The following MBP variants were observed in gnomAD, a reference collection of about 807,000 sequenced individuals.
MBP encodes myelin basic protein.
Under a neutral mutation model 35.8 loss-of-function variants are expected in MBP, and 16 were observed. That is an observed-to-expected ratio of 0.45 (90% confidence interval 0.30 to 0.68). The LOEUF (loss-of-function observed/expected upper bound fraction) is 0.68. Ranked by LOEUF, MBP falls within the 30% of genes least tolerant of loss-of-function variation. The pLI is 0.08. For missense variants in MBP, 380 were observed against 404.7 expected, an observed-to-expected ratio of 0.94 and a Z score of 0.52; for synonymous variants, 143 against 159.6, an observed-to-expected ratio of 0.90 and a Z score of 0.78.
rs1969441648 is a variant in MBP at position 76,984,807 on chromosome 18, C to A, written c.838G>T (p.Ala280Ser). 6.2e-7 allele frequency: 1 copy of A among 1,613,992 alleles called. No homozygotes were observed. The highest frequency in any genetic ancestry group is 1.3e-5 in the African/African-American group (1 of 74,948). Residue 280 changes from alanine (A) to serine (S), a missense_variant, in exon 8 of 9, where the codon GCC becomes TCC. Physicochemically the swap from Ala to Ser is moderately conservative, Grantham distance 99. Transcript: ENST00000355994. ...SAHKGFKGVD[A>S]QGTLSKIFKL... ...AAAATTTTGGAAAGCGTGCCCTGGGCATCGACTCCCTTGAATCCCTTGTGA... is the reference window on the plus strand; with the variant it reads ...AAAATTTTGGAAAGCGTGCCCTGGGAATCGACTCCCTTGAATCCCTTGTGA...
At position 77,016,153 on chromosome 18, in the gene MBP, G is replaced by GGT. The variant is rs1555714055; in HGVS notation, c.576+678_576+679insAC. The GGT allele has an allele frequency of 3.6e-5, 34 of 940,198 alleles. No individual in the cohort carries two copies. The African/African-American group carries it at 5.7e-4, about 16-fold the overall frequency. The allele number at this position is 940,198 out of a possible 1,614,324, so 58.2% of individuals were successfully genotyped here. A position where few individuals can be genotyped will look rare whatever the true frequency, so the allele number is the denominator to read the frequency against. ...CCTAGACTCTGGACCCCATAGCAGA[G>GGT]TTTTTTTTTTTTGTAATACATTTTT... On this transcript the variant is annotated intron_variant, in intron 4 of 8. Coordinates refer to ENST00000355994, the MANE Select transcript of MBP (RefSeq NM_001025101.2).
chr18:77,012,035 G>A (rs1486805648), intron 4 of MBP, among the ~76,000 whole-genome samples: 2 of 152,230 alleles, frequency 1.3e-5, no homozygotes, highest in Non-Finnish European at 2.9e-5. Flanking sequence ...TGAGAGAAAT[G>A]AATGCTTTAA....
intron 3 of MBP, among the ~76,000 whole-genome samples, chr18:77,065,094 T>A (rs547755724): frequency 2.0e-5 from 3 of 152,214 alleles, no homozygotes; most frequent in Non-Finnish European, 2.9e-5. Flanking sequence ...CAGTCACTCA[T>A]AGGGGAAGCA....
At chr18:77,109,175 A>C (rs564762380) in intron 1 of MBP, 1 of 152,298 alleles carries the variant, frequency 6.6e-6, no homozygotes, top group African/African-American at 2.4e-5. Context: ...ATCGCTACCT[A>C]CTTACTATCA....
intron 3 of MBP, among the ~76,000 whole-genome samples, chr18:77,061,482 G>T (rs572641374): frequency 2.6e-5 from 4 of 152,142 alleles, no homozygotes; most frequent in Non-Finnish European, 5.9e-5. Flanking sequence ...CCCTACTTAC[G>T]TATGGGGAAA....
intron 4 of MBP, among the ~76,000 whole-genome samples, chr18:77,000,053 GA>G (rs1304335529): frequency 2.6e-5 from 4 of 152,166 alleles, no homozygotes; most frequent in African/African-American, 9.7e-5. Flanking sequence ...GCCAGCTAGA[GA>G]TGAGGCCAGG....
intron 3 of MBP, chr18:77,017,563 C>G (rs150451435): frequency 3.6e-6 from 1 of 281,238 alleles, no homozygotes; most frequent in Non-Finnish European, 6.6e-6. Flanking sequence ...GCCACATCAG[C>G]GTTTCTTCCC....
At chr18:77,128,478 T>C (rs1367200128) in intron 1 of MBP, among the ~76,000 whole-genome samples, 1 of 151,868 alleles carries the variant, frequency 6.6e-6, no homozygotes, top group Non-Finnish European at 1.5e-5. Context: ...CACATGGTTC[T>C]ACATGGGTGA....
chr18:77,059,601 T>C (rs1164218094), intron 3 of MBP, among the ~76,000 whole-genome samples: 1 of 152,054 alleles, frequency 6.6e-6, no homozygotes, highest in Non-Finnish European at 1.5e-5. Context: ...TATAAATAAA[T>C]ATATTTTTGC....
At chr18:77,007,543 G>A (rs1971059901) in intron 4 of MBP, among the ~76,000 whole-genome samples, 1 of 152,224 alleles carries the variant, frequency 6.6e-6, no homozygotes, top group Non-Finnish European at 1.5e-5. Flanking sequence ...TAAGAGCAAC[G>A]CTGGGAGCCC....
intron 3 of MBP, among the ~76,000 whole-genome samples, chr18:77,048,084 G>A (rs1241838733): frequency 2.6e-5 from 4 of 152,108 alleles, no homozygotes; most frequent in Admixed American, 1.3e-4. Flanking sequence ...TGTCTGTTTT[G>A]ACCCCCCAAA....
chr18:77,046,459 A>G (rs1973262495), intron 3 of MBP, among the ~76,000 whole-genome samples: 1 of 152,258 alleles, frequency 6.6e-6, no homozygotes, highest in South Asian at 2.1e-4. Context: ...AGGCTGAGGC[A>G]CAGGGAGGGT....
At chr18:77,100,540 TGTGTG>T (rs777570506) in intron 2 of MBP, among the ~76,000 whole-genome samples, 10 of 96,720 alleles carry the variant, frequency 1.0e-4, no homozygotes, top group African/African-American at 3.4e-4. Context: ...TGTGTGTGTG[TGTGTG>T]TTTTGTGGTT....
chr18:77,092,298 C>T (rs1975563273), intron 2 of MBP, among the ~76,000 whole-genome samples: 1 of 152,214 alleles, frequency 6.6e-6, no homozygotes, highest in African/African-American at 2.4e-5. Context: ...CCCTCTGTCC[C>T]TCGCGGGGGC....
intron 2 of MBP, among the ~76,000 whole-genome samples, chr18:77,091,464 A>G (rs1301243774): frequency 6.6e-6 from 1 of 152,188 alleles, no homozygotes; most frequent in East Asian, 1.9e-4. Context: ...ACAGACATCA[A>G]ACTACAGTGA....
At chr18:77,049,140 C>T (rs556744098) in intron 3 of MBP, among the ~76,000 whole-genome samples, 1 of 151,194 alleles carries the variant, frequency 6.6e-6, no homozygotes, top group Non-Finnish European at 1.5e-5. Context: ...TGGATGGTCT[C>T]GATCTCTTGA....
chr18:77,063,028 A>G (rs1001335428), intron 3 of MBP, among the ~76,000 whole-genome samples: 3 of 152,214 alleles, frequency 2.0e-5, no homozygotes, highest in Non-Finnish European at 4.4e-5. Flanking sequence ...ACGGGACATC[A>G]GGAATGGTTT....
chr18:77,061,281 TTGTC>T (rs146143940), intron 3 of MBP, among the ~76,000 whole-genome samples: 1,624 of 152,346 alleles, frequency 0.011, 19 homozygotes, highest in Non-Finnish European at 0.017. Flanking sequence ...ATGTGACTCT[TTGTC>T]TGTGATAAAA....
chr18:77,120,889 C>T (rs538230407), intron 1 of MBP, among the ~76,000 whole-genome samples: 23 of 152,292 alleles, frequency 1.5e-4, no homozygotes, highest in Non-Finnish European at 3.1e-4. Flanking sequence ...TTTAGGACCC[C>T]GTGAGGATCA....
Sources: gnomAD v4.1 joint callset for allele counts (sites outside exome capture counted in the v4.1 genomes callset) on GRCh38, gnomAD v4.1.1 for gene constraint, MANE v1.5 for transcripts, NCBI Gene and HGNC (gene_info 2026-07-23, HGNC 2026-07-21) for gene names.